CTSS: variants seen among roughly 807,000 people sequenced by gnomAD.
CTSS encodes the protein cathepsin S.
Under a neutral mutation model 39.9 loss-of-function variants are expected in CTSS, and 15 were observed. The ratio of observed to expected loss-of-function variants is 0.38; its 90% CI spans 0.25 to 0.58. The LOEUF is 0.58. Ranked by LOEUF, CTSS falls within the 20% of genes least tolerant of loss-of-function variation. The probability of loss-of-function intolerance (pLI) is 0.70; values close to 1 mark genes in which losing one functional copy is unlikely to be tolerated. For synonymous variants in CTSS, 126 were observed against 138.2 expected, an observed-to-expected ratio of 0.91 and a Z score of 0.62; for missense variants, 250 against 398.2, an observed-to-expected ratio of 0.63 and a Z score of 3.17.
chr1:150,742,627 G>T (rs1301262263), intron 7 of CTSS, among the ~76,000 whole-genome samples: 2 of 152,080 alleles, frequency 1.3e-5, no homozygotes, highest in African/African-American at 4.8e-5. Context: ...ATTTTAAAAA[G>T]ATACCGCTAT....
intron 7 of CTSS, among the ~76,000 whole-genome samples, chr1:150,746,683 G>A (rs1652902463): frequency 6.6e-6 from 1 of 152,138 alleles, no homozygotes; most frequent in African/African-American, 2.4e-5. Context: ...TAAACCAAAA[G>A]AGAAGACAGG....
At chr1:150,752,618 C>G (rs1340314285) in intron 4 of CTSS, among the ~76,000 whole-genome samples, 1 of 151,820 alleles carries the variant, frequency 6.6e-6, no homozygotes, top group Middle Eastern at 3.2e-3. Context: ...ACCTTGCTCT[C>G]CACCAAAAGG....
At chr1:150,760,509 A>G (rs960534157) in intron 2 of CTSS, among the ~76,000 whole-genome samples, 1 of 152,224 alleles carries the variant, frequency 6.6e-6, no homozygotes, top group East Asian at 1.9e-4. Context: ...TAGCCAGAGC[A>G]ATTAGGCAAG....
intron 7 of CTSS, among the ~76,000 whole-genome samples, chr1:150,737,324 A>G (rs1652657777): frequency 6.6e-6 from 1 of 151,794 alleles, no homozygotes; most frequent in African/African-American, 2.4e-5. Flanking sequence ...CTGGTCTCGA[A>G]CTCCCAACCT....
Position 150,745,288 on chromosome 1 carries a change from G to C in CTSS, c.896+2489C>G, listed in dbSNP as rs140794784. Among the ~76,000 whole-genome samples, 26 of 152,214 alleles carry C rather than the reference G, an allele frequency of 1.7e-4. No homozygotes were observed. In the East Asian group the frequency reaches 4.8e-3, roughly 28 times the overall value. Reference sequence around the variant, plus strand: ...AGAATGTGAACTTATTTAGAGATAGGGTTGATGTAGACATAATTAATTAAA... The same window carrying C: ...AGAATGTGAACTTATTTAGAGATAGCGTTGATGTAGACATAATTAATTAAA... On this transcript the variant is annotated intron_variant, in intron 7 of 7. Transcript: ENST00000368985.
chr1:150,755,196 T>C (rs1653095660), intron 3 of CTSS, 46 bp from the exon 4 acceptor site: 2 of 1,593,714 alleles, frequency 1.3e-6, no homozygotes, highest in Admixed American at 1.7e-5. Context: ...GACTGGAATA[T>C]GTTCTGAGAA....
rs112092350 is a variant in CTSS, at chr1:150,735,307, T to C, written c.897-2162A>G. Among the ~76,000 whole-genome samples, 1,229 of 152,336 alleles carry C rather than the reference T, an allele frequency of 8.1e-3. 9 individuals carry two copies. Among genetic ancestry groups the C allele is most frequent in the Non-Finnish European group, 0.011 (734 of 68,034 alleles). ...TAAATATTCTATGTATCAGCCCTCA[T>C]TGGACATTTTGCAGGTCCTATTTTT... On this transcript the variant is annotated intron_variant, in intron 7 of 7. Coordinates refer to ENST00000368985, the MANE Select transcript of CTSS (RefSeq NM_004079.5).
intron 3 of CTSS, among the ~76,000 whole-genome samples, chr1:150,756,880 C>T (rs1287871521): frequency 1.3e-5 from 2 of 151,948 alleles, no homozygotes; most frequent in East Asian, 3.9e-4. Flanking sequence ...CCACGCCCAG[C>T]TAATTTTGTA....
At chr1:150,741,764 A>G (rs1652761671) in intron 7 of CTSS, among the ~76,000 whole-genome samples, 1 of 151,606 alleles carries the variant, frequency 6.6e-6, no homozygotes, top group African/African-American at 2.4e-5. Context: ...AATCTCAGCT[A>G]CTTGGGAGAC....
intron 2 of CTSS, among the ~76,000 whole-genome samples, chr1:150,761,505 G>T (rs1485235116): frequency 1.3e-5 from 2 of 152,170 alleles, no homozygotes; most frequent in Admixed American, 1.3e-4. Context: ...GCCGAAGCAG[G>T]CAGATCACCT....
chr1:150,754,085 A>G (rs1015980305), intron 4 of CTSS, among the ~76,000 whole-genome samples: 5 of 151,254 alleles, frequency 3.3e-5, no homozygotes, highest in African/African-American at 1.2e-4. Flanking sequence ...GAGTATTCGC[A>G]TATAACCTAC....
intron 7 of CTSS, among the ~76,000 whole-genome samples, chr1:150,733,801 A>G (rs1652574886): frequency 6.6e-6 from 1 of 152,100 alleles, no homozygotes; most frequent in African/African-American, 2.4e-5. Context: ...TGATTCTACA[A>G]AAAAAATTTT....
At position 150,730,734 on chromosome 1, in the gene CTSS, A is replaced by T. The variant is rs2101905643; in HGVS notation, c.*2312T>A. ...AACATAGTTCATAAACCACGGTAAT[A>T]TTAGCAATACTTCATCATCAAAAGA... On this transcript the variant is annotated 3_prime_UTR_variant, in exon 8 of 8. Coordinates refer to ENST00000368985, the MANE Select transcript of CTSS (RefSeq NM_004079.5). 6.6e-6 allele frequency: 1 copy of T among 152,344 alleles called. No individual in the cohort carries two copies. The highest frequency in any genetic ancestry group is 6.5e-5 in the Admixed American group (1 of 15,300). The allele number at this position is 152,344 out of a possible 1,614,324, so 9.4% of individuals were successfully genotyped here. A position where few individuals can be genotyped will look rare whatever the true frequency, so the allele number is the denominator to read the frequency against.
intron 7 of CTSS, among the ~76,000 whole-genome samples, chr1:150,737,516 G>A (rs967121645): frequency 1.3e-5 from 2 of 152,084 alleles, no homozygotes; most frequent in Non-Finnish European, 2.9e-5. Flanking sequence ...AGAAAGCCTC[G>A]TAGCCCTTAG....
chr1:150,749,222 A>G (rs767056788), intron 6 of CTSS, among the ~76,000 whole-genome samples: 3 of 152,234 alleles, frequency 2.0e-5, no homozygotes, highest in Non-Finnish European at 4.4e-5. Context: ...GTTGAAAGCC[A>G]AGACAGGCCA....
At chr1:150,735,789 C>G (rs910524448) in intron 7 of CTSS, among the ~76,000 whole-genome samples, 1 of 143,418 alleles carries the variant, frequency 7.0e-6, no homozygotes, top group Non-Finnish European at 1.5e-5. Flanking sequence ...TGGAGTCTTG[C>G]TCTGTGGCCC....
intron 6 of CTSS, among the ~76,000 whole-genome samples, chr1:150,748,492 C>T (rs1318197873): frequency 6.6e-6 from 1 of 151,394 alleles, no homozygotes; most frequent in Non-Finnish European, 1.5e-5. Context: ...TATTTTTAAA[C>T]TTGCATACAA....
At position 150,750,100 on chromosome 1, in the gene CTSS, G is replaced by A. The variant is rs1059605; in HGVS notation, c.699C>T (p.Gly233=). The change falls in exon 6 of 8, where the codon GGC becomes GGT. Residue 233 remains glycine (G), a synonymous_variant. Transcript: ENST00000368985. ...CAGCTTCTTTCAGGACATCTTCTCTGCCATAAGGAAGTTCAGTGTACTTTG... is the reference window on the plus strand; with the variant it reads ...CAGCTTCTTTCAGGACATCTTCTCTACCATAAGGAAGTTCAGTGTACTTTG... The part of the protein sequence containing the change: ...TCSKYTELPY[G]REDVLKEAVA... 3.7e-6 allele frequency: 6 copies of A among 1,613,856 alleles called. No individual in the cohort carries two copies. In the South Asian group the frequency reaches 6.6e-5, roughly 18 times the overall value.
chr1:150,741,823 C>T (rs1003344453), intron 7 of CTSS, among the ~76,000 whole-genome samples: 6 of 149,760 alleles, frequency 4.0e-5, no homozygotes, highest in Non-Finnish European at 7.4e-5. Context: ...TGCAGTGAGC[C>T]GAGATTGTGC....
Sources: gnomAD v4.1 joint callset for allele counts (sites outside exome capture counted in the v4.1 genomes callset) on GRCh38, gnomAD v4.1.1 for gene constraint, MANE v1.5 for transcripts, NCBI Gene and HGNC (gene_info 2026-07-23, HGNC 2026-07-21) for gene names.